The following STXBP5L variants were observed in gnomAD, a reference collection of about 807,000 sequenced individuals.
STXBP5L encodes the protein syntaxin-binding protein 5-like.
STXBP5L carries 65 observed loss-of-function variants against 144.5 expected under a neutral mutation model. The observed-to-expected ratio is 0.45, with a 90% CI of 0.37 to 0.55. The LOEUF (loss-of-function observed/expected upper bound fraction) is 0.55. Among genes scored for constraint, STXBP5L ranks in the 20% least tolerant of loss-of-function variants. The probability of loss-of-function intolerance (pLI) is 0.00; values close to 1 mark genes in which losing one functional copy is unlikely to be tolerated. For synonymous variants in STXBP5L, 505 were observed against 469.6 expected, an observed-to-expected ratio of 1.08 and a Z score of -0.97; for missense variants, 1,298 against 1,405.5, an observed-to-expected ratio of 0.92 and a Z score of 1.22.
At chr3:121,121,446 A>C (rs530474277) in intron 6 of STXBP5L, among the ~76,000 whole-genome samples, 195 bp from the exon 7 acceptor site, 1 of 151,476 alleles carries the variant, frequency 6.6e-6, no homozygotes, top group South Asian at 2.1e-4. Context: ...AAAAACATAA[A>C]TAAGTAGTTT....
At chr3:121,285,530 C>T (rs1363301677) in intron 19 of STXBP5L, among the ~76,000 whole-genome samples, 1 of 151,992 alleles carries the variant, frequency 6.6e-6, no homozygotes, top group Non-Finnish European at 1.5e-5. Context: ...GGTTAGGCTC[C>T]AAACAGCTGA....
intron 5 of STXBP5L, among the ~76,000 whole-genome samples, chr3:121,061,394 A>T (rs1162699453): frequency 6.6e-6 from 1 of 152,188 alleles, no homozygotes; most frequent in Non-Finnish European, 1.5e-5. Context: ...ACTTCCAGTT[A>T]TGTGGCCAGT....
chr3:121,373,801 C>T (rs2046102255), intron 20 of STXBP5L, among the ~76,000 whole-genome samples: 1 of 152,174 alleles, frequency 6.6e-6, no homozygotes, highest in South Asian at 2.1e-4. Flanking sequence ...ACCCAGTGGC[C>T]TGCAGACTGG....
chr3:121,093,092 C>T (rs933161060), intron 5 of STXBP5L, among the ~76,000 whole-genome samples: 59 of 152,140 alleles, frequency 3.9e-4, no homozygotes, highest in African/African-American at 1.3e-3. Context: ...TTGCATATAT[C>T]GAACCAGCCT....
At chr3:120,992,152 T>C (rs1221217308) in intron 3 of STXBP5L, among the ~76,000 whole-genome samples, 1 of 152,090 alleles carries the variant, frequency 6.6e-6, no homozygotes, top group Non-Finnish European at 1.5e-5. Flanking sequence ...AACTTATTTA[T>C]TTATTTATTT....
At chr3:121,235,920 A>G (rs938226368) in intron 12 of STXBP5L, among the ~76,000 whole-genome samples, 3 of 152,004 alleles carry the variant, frequency 2.0e-5, no homozygotes, top group African/African-American at 7.2e-5. Flanking sequence ...TCCTAATAAT[A>G]TGGCAAAAAA....
chr3:121,401,166 A>G (rs566868356), intron 22 of STXBP5L, among the ~76,000 whole-genome samples: 15 of 152,262 alleles, frequency 9.9e-5, no homozygotes, highest in African/African-American at 3.6e-4. Flanking sequence ...CAGGCAGTAT[A>G]TGCATTGCTC....
At chr3:120,999,147 G>C (rs1290603975) in intron 3 of STXBP5L, among the ~76,000 whole-genome samples, 1 of 152,050 alleles carries the variant, frequency 6.6e-6, no homozygotes. Flanking sequence ...CTTCCTCCCG[G>C]GTTCAAGTGA....
chr3:120,917,596 GA>G (rs1709166889), intron 2 of STXBP5L, among the ~76,000 whole-genome samples: 1 of 152,048 alleles, frequency 6.6e-6, no homozygotes, highest in African/African-American at 2.4e-5. Context: ...TGAGGAGGAT[GA>G]GGGGGAGGAA....
intron 7 of STXBP5L, among the ~76,000 whole-genome samples, chr3:121,132,305 G>T (rs191328416): frequency 2.6e-5 from 4 of 152,320 alleles, no homozygotes; most frequent in Admixed American, 6.5e-5. Context: ...GGTGCCAAAA[G>T]AACTAGCACA....
chr3:121,257,415 C>A, intron 17 of STXBP5L, 82 bp downstream of exon 17: 1 of 1,301,652 alleles, frequency 7.7e-7, no homozygotes, highest in African/African-American at 1.5e-5. Context: ...AATTAATTTT[C>A]TCTTATTATC....
At chr3:121,065,947 A>G (rs2041523455) in intron 5 of STXBP5L, among the ~76,000 whole-genome samples, 1 of 152,154 alleles carries the variant, frequency 6.6e-6, no homozygotes, top group African/African-American at 2.4e-5. Context: ...TTTTTGCCAT[A>G]TAGCCCTCTC....
In STXBP5L at chr3:121,423,364, A is replaced by G. The variant is rs1301389683; in HGVS notation, c.*4267A>G. The G allele has an allele frequency of 6.6e-6, 1 of 152,212 alleles. No individual in the cohort carries two copies. The highest frequency in any genetic ancestry group is 6.5e-5 in the Admixed American group (1 of 15,282). The allele number at this position is 152,212 out of a possible 1,614,324, so 9.4% of individuals were successfully genotyped here. ...TCCAGGGAACATGGTTGTCAACATAACAAGTTTAGTGTGTGTATTTGCAGA... is the reference window on the plus strand; with the variant it reads ...TCCAGGGAACATGGTTGTCAACATAGCAAGTTTAGTGTGTGTATTTGCAGA... On this transcript the variant is annotated 3_prime_UTR_variant, in exon 27 of 27. Transcript: ENST00000471454.
At chr3:121,418,637 C>T (rs2047294752) in intron 26 of STXBP5L, 80 bp downstream of exon 26, 4 of 1,293,752 alleles carry the variant, frequency 3.1e-6, no homozygotes, top group African/African-American at 1.5e-5. Context: ...AAAGCTTAAA[C>T]AGAGATCCAC....
intron 19 of STXBP5L, among the ~76,000 whole-genome samples, chr3:121,286,275 A>C (rs2051230215): frequency 1.3e-5 from 2 of 152,202 alleles, no homozygotes; most frequent in African/African-American, 4.8e-5. Flanking sequence ...TAAGAGAACT[A>C]TCCAAGAAAG....
At chr3:121,312,520 A>C (rs1234391228) in intron 19 of STXBP5L, among the ~76,000 whole-genome samples, 1 of 122,528 alleles carries the variant, frequency 8.2e-6, no homozygotes, top group African/African-American at 3.3e-5. Context: ...GGGATTTGGC[A>C]GGGTCATAGG....
intron 25 of STXBP5L, among the ~76,000 whole-genome samples, chr3:121,416,352 T>TTATTCAGAATG (rs11276449): frequency 0.093 from 14,119 of 151,088 alleles, 965 homozygotes; most frequent in African/African-American, 0.18. Flanking sequence ...AACAGATTCC[T>TTATTCAGAATG]TATTCAGAAT....
intron 3 of STXBP5L, among the ~76,000 whole-genome samples, chr3:121,028,200 T>C (rs1420927569): frequency 6.6e-6 from 1 of 152,068 alleles, no homozygotes; most frequent in Non-Finnish European, 1.5e-5. Context: ...CTGACTACAT[T>C]TTCATTAAGT....
chr3:120,990,470 A>G (rs1232521101), intron 3 of STXBP5L, among the ~76,000 whole-genome samples: 1 of 152,180 alleles, frequency 6.6e-6, no homozygotes, highest in Non-Finnish European at 1.5e-5. Context: ...CAAAGTTCAT[A>G]TGGAACCAAA....
Sources: gnomAD v4.1 joint callset for allele counts (sites outside exome capture counted in the v4.1 genomes callset) on GRCh38, gnomAD v4.1.1 for gene constraint, MANE v1.5 for transcripts, NCBI Gene and HGNC (gene_info 2026-07-23, HGNC 2026-07-21) for gene names.